BIN3: variants seen among roughly 807,000 people sequenced by gnomAD.
The protein encoded by BIN3 is bridging integrator 3.
BIN3 carries 41 observed loss-of-function variants against 38.2 expected under a neutral mutation model. The ratio of observed to expected loss-of-function variants is 1.07; its 90% CI spans 0.84 to 1.39. The LOEUF is 1.39. Ranked by LOEUF, BIN3 falls within the 40% of genes most tolerant of loss-of-function variation. The probability of loss-of-function intolerance (pLI) is 0.00; values close to 1 mark genes in which losing one functional copy is unlikely to be tolerated. For missense variants in BIN3, 361 were observed against 324.3 expected (o/e 1.11, Z -0.87); for synonymous variants, 145 against 122.6 (o/e 1.18, Z -1.21).
chr8:22,654,391 G>A (rs1028855843), intron 1 of BIN3, among the ~76,000 whole-genome samples: 1 of 152,104 alleles, frequency 6.6e-6, no homozygotes, highest in Non-Finnish European at 1.5e-5. Flanking sequence ...ACAATTTGGG[G>A]TTTTTAGTAT....
chr8:22,623,430 G>C (rs982313349), intron 8 of BIN3, among the ~76,000 whole-genome samples: 5 of 152,266 alleles, frequency 3.3e-5, no homozygotes, highest in Admixed American at 2.6e-4. Context: ...TCTCCCCAGG[G>C]CTCTGGAGCC....
In BIN3 at chr8:22,620,660, G is replaced by T. The variant is rs956709482; in HGVS notation, c.*762C>A. The T allele has an allele frequency of 6.6e-6, 1 of 152,200 alleles. No individual in the cohort carries two copies. The highest frequency in any genetic ancestry group is 2.4e-5 in the African/African-American group (1 of 41,450). 9.4% of individuals were successfully genotyped at this position (152,200 alleles called of 1,614,324 possible). A position where few individuals can be genotyped will look rare whatever the true frequency, so the allele number is the denominator to read the frequency against. On this transcript the variant is annotated 3_prime_UTR_variant, in exon 9 of 9. Coordinates refer to ENST00000276416, the MANE Select transcript of BIN3 (RefSeq NM_018688.6). ...TGCTGCTGCTCCGTGGAGGGCAGCA[G>T]GCCCAGGAAGGGGTTTCCTCTGCTC...
At chr8:22,623,471 C>G (rs1801906965) in intron 8 of BIN3, among the ~76,000 whole-genome samples, 1 of 152,142 alleles carries the variant, frequency 6.6e-6, no homozygotes, top group African/African-American at 2.4e-5. Flanking sequence ...GGCAGGACTC[C>G]CGCCGTTTCC....
chr8:22,657,934 G>C (rs1350352706), intron 1 of BIN3, among the ~76,000 whole-genome samples: 2 of 152,220 alleles, frequency 1.3e-5, no homozygotes, highest in African/African-American at 4.8e-5. Flanking sequence ...GCCCGGGGTT[G>C]GCAGTGCTCC....
intron 2 of BIN3, among the ~76,000 whole-genome samples, chr8:22,639,951 T>C (rs560478544): frequency 2.6e-5 from 4 of 151,298 alleles, no homozygotes; most frequent in African/African-American, 4.9e-5. Context: ...AACCTCCGCC[T>C]CCCGGGTTCA....
chr8:22,660,426 G>T (rs1023314990), intron 1 of BIN3, among the ~76,000 whole-genome samples: 11 of 152,222 alleles, frequency 7.2e-5, no homozygotes, highest in African/African-American at 2.7e-4. Flanking sequence ...TAGCTTCTGA[G>T]GTACCATCTT....
chr8:22,655,402 T>C (rs1255406638), intron 1 of BIN3, among the ~76,000 whole-genome samples: 4 of 152,238 alleles, frequency 2.6e-5, no homozygotes, highest in Non-Finnish European at 5.9e-5. Context: ...AAGAGTTTTA[T>C]AGTTTAGCTC....
chr8:22,645,098 G>A (rs1037103303), intron 1 of BIN3, among the ~76,000 whole-genome samples: 1 of 151,836 alleles, frequency 6.6e-6, no homozygotes, highest in Non-Finnish European at 1.5e-5. Flanking sequence ...CAAGGAGTTT[G>A]AGGCTGTAGT....
At chr8:22,641,933 G>C (rs1193338618) in intron 2 of BIN3, among the ~76,000 whole-genome samples, 2 of 152,164 alleles carry the variant, frequency 1.3e-5, no homozygotes, top group Non-Finnish European at 2.9e-5. Context: ...GGAGGGGACT[G>C]GGTGGAAGGT....
chr8:22,624,585 C>T (rs1409423963), intron 6 of BIN3: 3 of 561,256 alleles, frequency 5.3e-6, no homozygotes, highest in Non-Finnish European at 9.4e-6. Context: ...AGATGAGGCC[C>T]TGTCCCCTGG....
At chr8:22,665,329 A>G (rs1353508531) in intron 1 of BIN3, among the ~76,000 whole-genome samples, 2 of 152,212 alleles carry the variant, frequency 1.3e-5, no homozygotes, top group African/African-American at 4.8e-5. Context: ...AAAAGGGAAA[A>G]AAGGCCCCAT....
chr8:22,621,058 T>C lies in BIN3; in HGVS notation c.*364A>G, dbSNP rs1801780727. 5 of 188,278 alleles carry C rather than the reference T, an allele frequency of 2.7e-5. No individual in the cohort carries two copies. Among genetic ancestry groups the C allele is most frequent in the Admixed American group, 2.4e-4 (4 of 16,942 alleles). 11.7% of individuals were successfully genotyped at this position (188,278 alleles called of 1,614,324 possible). On this transcript the variant is annotated 3_prime_UTR_variant, in exon 9 of 9. Coordinates refer to ENST00000276416, the MANE Select transcript of BIN3 (RefSeq NM_018688.6). ...CTCCCCAGGATGGGTCTTTTGGAGG[T>C]AGATTTGATGCCCACAACGCATGCA...
At chr8:22,665,227 T>C (rs1449633359) in intron 1 of BIN3, among the ~76,000 whole-genome samples, 2 of 152,204 alleles carry the variant, frequency 1.3e-5, no homozygotes, top group Admixed American at 1.3e-4. Context: ...AATTTAACAA[T>C]AGTACTTTCA....
intron 1 of BIN3, among the ~76,000 whole-genome samples, chr8:22,663,207 AGTGTGTGT>A (rs3220194): frequency 2.0e-5 from 3 of 150,156 alleles, no homozygotes; most frequent in Admixed American, 6.6e-5. Flanking sequence ...TTCAAGTATA[AGTGTGTGT>A]GTGTGTGTGT....
chr8:22,644,259 A>T (rs922364849), intron 2 of BIN3, among the ~76,000 whole-genome samples: 1 of 152,248 alleles, frequency 6.6e-6, no homozygotes, highest in Non-Finnish European at 1.5e-5. Context: ...GTGGGATTCA[A>T]TCTTCCTTTC....
At chr8:22,654,302 T>C (rs755898443) in intron 1 of BIN3, among the ~76,000 whole-genome samples, 4 of 152,240 alleles carry the variant, frequency 2.6e-5, no homozygotes, top group Non-Finnish European at 5.9e-5. Context: ...ATTAGATGTA[T>C]GTATTCAATC....
chr8:22,658,175 G>C (rs1803117971), intron 1 of BIN3, among the ~76,000 whole-genome samples: 1 of 152,180 alleles, frequency 6.6e-6, no homozygotes, highest in Non-Finnish European at 1.5e-5. Context: ...GAGCACCAGA[G>C]GGCAGGAGAA....
intron 8 of BIN3, 77 bp downstream of exon 8, chr8:22,623,837 AC>A: frequency 1.3e-6 from 2 of 1,514,388 alleles, no homozygotes; most frequent in South Asian, 2.5e-5. Context: ...TGGCTAAGCC[AC>A]CCTTCCAGTG....
At chr8:22,655,356 C>G (rs971802286) in intron 1 of BIN3, among the ~76,000 whole-genome samples, 1 of 152,116 alleles carries the variant, frequency 6.6e-6, no homozygotes, top group Admixed American at 6.5e-5. Context: ...TTTGACAAAT[C>G]CAAGGTCATG....
Sources: allele counts gnomAD v4.1 joint callset (sites outside exome capture counted in the v4.1 genomes callset), GRCh38; gene constraint gnomAD v4.1.1; transcripts MANE v1.5; gene names NCBI Gene and HGNC (gene_info 2026-07-23, HGNC 2026-07-21).